CNN2: variants seen among roughly 807,000 people sequenced by gnomAD.
CNN2 encodes the protein calponin 2.
CNN2 carries 21 observed loss-of-function variants against 31.0 expected under a neutral mutation model. The ratio of observed to expected loss-of-function variants is 0.68; its 90% CI spans 0.48 to 0.98. The LOEUF (loss-of-function observed/expected upper bound fraction) is 0.98. CNN2 is among the 50% of genes least tolerant of loss of function. The probability of loss-of-function intolerance (pLI) is 0.00; values close to 1 mark genes in which losing one functional copy is unlikely to be tolerated. For synonymous variants in CNN2, 165 were observed against 179.6 expected (o/e 0.92, Z 0.65); for missense variants, 399 against 427.3 (o/e 0.93, Z 0.58).
chr19:1,029,065 C>G (rs1449603203), intron 1 of CNN2, among the ~76,000 whole-genome samples: 2 of 149,892 alleles, frequency 1.3e-5, no homozygotes, highest in African/African-American at 2.5e-5. Flanking sequence ...GGACCCTAAC[C>G]CAAATCATCC....
chr19:1,029,035 C>A (rs1443125034), intron 1 of CNN2, among the ~76,000 whole-genome samples: 10 of 150,220 alleles, frequency 6.7e-5, no homozygotes, highest in Non-Finnish European at 1.2e-4. Context: ...CCAAATAATC[C>A]CAGGCAGGTC....
intron 1 of CNN2, chr19:1,026,965 C>T: frequency 2.0e-6 from 1 of 491,836 alleles, no homozygotes; most frequent in Non-Finnish European, 3.6e-6. Flanking sequence ...CATTCCCCCC[C>T]CCAACATCTA....
rs770994164 is a variant in CNN2, at chr19:1,037,766, C to G, written c.796C>G (p.Arg266Gly). 3.7e-6 allele frequency: 6 copies of G among 1,611,516 alleles called. No homozygotes were observed. The highest frequency in any genetic ancestry group is 1.3e-5 in the African/African-American group (1 of 74,886). The stretch of plus-strand genomic sequence containing the variant: ...GAGCGGCCAGGTCTTCGGCCTGGGC[C>G]GGCAGATATATGACCCCAAGTACTG... The part of the protein sequence containing the change: ...NQSGQVFGLG[R>G]QIYDPKYCPQ... The change falls in exon 7 of 7, where the codon CGG becomes GGG. Residue 266 changes from arginine (R) to glycine (G), a missense_variant. Physicochemically the swap from Arg to Gly is moderately radical, Grantham distance 125. Coordinates refer to ENST00000263097, the MANE Select transcript of CNN2 (RefSeq NM_004368.4).
chr19:1,028,048 G>C (rs925719479), intron 1 of CNN2, among the ~76,000 whole-genome samples: 2 of 152,194 alleles, frequency 1.3e-5, no homozygotes, highest in Non-Finnish European at 2.9e-5. Context: ...CATTCATAGA[G>C]CCCCCCGTGC....
chr19:1,032,120 C>T (rs1434152787), intron 2 of CNN2, among the ~76,000 whole-genome samples: 2 of 151,038 alleles, frequency 1.3e-5, no homozygotes, highest in Non-Finnish European at 1.5e-5. Flanking sequence ...CCCAGCTACT[C>T]GGGAGGCTCA....
intron 1 of CNN2, 164 bp downstream of exon 1, chr19:1,026,888 G>A (rs1297134646): frequency 4.3e-5 from 28 of 653,566 alleles, no homozygotes; most frequent in Non-Finnish European, 6.5e-5. Context: ...GATGTCTGCG[G>A]GCACCCCCTG....
chr19:1,033,500 A>G (rs2039532993), intron 4 of CNN2, among the ~76,000 whole-genome samples: 1 of 152,230 alleles, frequency 6.6e-6, no homozygotes, highest in African/African-American at 2.4e-5. Flanking sequence ...GACTCTCTCA[A>G]AAAATAATCA....
rs1338866464 is a variant in CNN2 at position 1,038,941 on chromosome 19, T to C, written c.*1041T>C. On this transcript the variant is annotated 3_prime_UTR_variant, in exon 7 of 7. Transcript: ENST00000263097. Reference sequence around the variant, plus strand: ...GGCCCGACCAGCTTATACTGCTCCATCTTCCCCGGCCACATGCCCCGCCAA... The same window carrying C: ...GGCCCGACCAGCTTATACTGCTCCACCTTCCCCGGCCACATGCCCCGCCAA... 2.0e-5 allele frequency: 3 copies of C among 152,304 alleles called. No individual in the cohort carries two copies. The highest frequency in any genetic ancestry group is 2.9e-5 in the Non-Finnish European group (2 of 68,102). The allele number at this position is 152,304 out of a possible 1,614,324, so 9.4% of individuals were successfully genotyped here.
rs769710319 is a variant in CNN2, at chr19:1,037,820, C to T, written c.850C>T (p.Pro284Ser). 2 of 1,608,346 alleles carry T rather than the reference C, an allele frequency of 1.2e-6. No homozygotes were observed. Among genetic ancestry groups the T allele is most frequent in the Admixed American group, 3.3e-5 (2 of 59,966 alleles). Residue 284 changes from proline to serine, a missense_variant, in exon 7 of 7, where the codon CCC becomes TCC. By Grantham distance (74) the Pro-to-Ser change is moderately conservative. Coordinates refer to ENST00000263097, the MANE Select transcript of CNN2 (RefSeq NM_004368.4). ...CPQGTVADGA[P>S]SGTGDCPDPG... is the part of the protein sequence containing the mutation. ...GCAAGGCACAGTGGCCGATGGGGCT[C>T]CCTCGGGCACCGGCGACTGCCCGGA...
At chr19:1,029,518 C>G (rs1481235344) in intron 1 of CNN2, among the ~76,000 whole-genome samples, 1 of 130,894 alleles carries the variant, frequency 7.6e-6, no homozygotes, top group Non-Finnish European at 1.6e-5. Flanking sequence ...TCATCCCAGG[C>G]AGGTCCAGCT....
intron 4 of CNN2, among the ~76,000 whole-genome samples, chr19:1,033,479 C>T (rs1414827640): frequency 6.6e-6 from 1 of 152,126 alleles, no homozygotes; most frequent in Non-Finnish European, 1.5e-5. Flanking sequence ...CCAGCCTGGG[C>T]AACAGAGCAA....
intron 1 of CNN2, among the ~76,000 whole-genome samples, chr19:1,027,930 C>A (rs980363251): frequency 3.3e-5 from 5 of 152,202 alleles, no homozygotes; most frequent in Non-Finnish European, 2.9e-5. Flanking sequence ...GCCTTCAGAC[C>A]AGCTCTTGGC....
chr19:1,036,091 G>T, intron 4 of CNN2, 39 bp from the exon 5 acceptor site: 1 of 1,556,564 alleles, frequency 6.4e-7, no homozygotes, highest in African/African-American at 1.4e-5. Context: ...GTCCCTGGCT[G>T]CCCTCTGCTG....
At chr19:1,035,953 A>G (rs533216399) in intron 4 of CNN2, 177 bp from the exon 5 acceptor site, 2 of 896,004 alleles carry the variant, frequency 2.2e-6, no homozygotes, top group African/African-American at 1.7e-5. Context: ...AAACAGCTGT[A>G]TGATGGGTGT....
chr19:1,028,454 C>T (rs903102087), intron 1 of CNN2, among the ~76,000 whole-genome samples: 1 of 152,170 alleles, frequency 6.6e-6, no homozygotes, highest in Non-Finnish European at 1.5e-5. Flanking sequence ...CCCGCTCACA[C>T]CCGCTTTACC....
chr19:1,037,687 G>T lies in CNN2; in HGVS notation c.717G>T (p.Lys239Asn), dbSNP rs2039613021. 6.2e-7 allele frequency: 1 copy of T among 1,611,458 alleles called. No homozygotes were observed. The highest frequency in any genetic ancestry group is 1.7e-5 in the Admixed American group (1 of 60,034). The change falls in exon 7 of 7, where the codon AAG (lysine) becomes AAT (asparagine). Residue 239 changes from lysine to asparagine, a missense_variant. Coordinates refer to ENST00000263097, the MANE Select transcript of CNN2 (RefSeq NM_004368.4). ...HIYDTKLGTD[K>N]CDNSSMSLQM... is the part of the protein sequence containing the mutation. ...ATGATACCAAGCTGGGAACCGACAAGTGTGACAACTCCTCCATGTCCCTGC... is the reference window on the plus strand; with the variant it reads ...ATGATACCAAGCTGGGAACCGACAATTGTGACAACTCCTCCATGTCCCTGC...
intron 2 of CNN2, 37 bp from the exon 3 acceptor site, chr19:1,032,355 G>A: frequency 6.2e-7 from 1 of 1,612,012 alleles, no homozygotes; most frequent in Non-Finnish European, 8.5e-7. Flanking sequence ...TGCTCACAGA[G>A]GTTTCTGTTT....
intron 1 of CNN2, 162 bp from the exon 2 acceptor site, chr19:1,030,909 G>A (rs369217986): frequency 6.7e-5 from 61 of 909,240 alleles, no homozygotes; most frequent in East Asian, 5.1e-4. Flanking sequence ...CCCAATGATG[G>A]GAAAAGGGAG....
Position 1,036,250 on chromosome 19 carries a change from G to T in CNN2, c.507+4G>T, listed in dbSNP as rs763823815. On this transcript the variant is annotated splice_donor_region_variant and intron_variant, in intron 5 of 6. Transcript: ENST00000263097. ...CCAGTGCGTCATCGGGCTGCAGGTG[G>T]GCGACAGCTCCCCCAGCCCCAGGGA... 8.2e-6 allele frequency: 13 copies of T among 1,577,192 alleles called. No homozygotes were observed. Among genetic ancestry groups the T allele is most frequent in the Non-Finnish European group, 1.1e-5 (13 of 1,159,250 alleles).
Sources: allele counts gnomAD v4.1 joint callset (sites outside exome capture counted in the v4.1 genomes callset), GRCh38; gene constraint gnomAD v4.1.1; transcripts MANE v1.5; gene names NCBI Gene and HGNC (gene_info 2026-07-23, HGNC 2026-07-21).